The following TCAIM variants were observed in gnomAD, a reference collection of about 807,000 sequenced individuals.
TCAIM encodes the protein T-cell activation inhibitor, mitochondrial.
TCAIM carries 36 observed loss-of-function variants against 58.6 expected under a neutral mutation model. The ratio of observed to expected loss-of-function variants is 0.61; its 90% CI spans 0.47 to 0.81. TCAIM has a LOEUF of 0.81. Ranked by LOEUF, TCAIM falls within the 30% of genes least tolerant of loss-of-function variation. The pLI, the probability that TCAIM is intolerant of heterozygous loss-of-function variation, is 0.00. For synonymous variants in TCAIM, 172 were observed against 193.6 expected, an observed-to-expected ratio of 0.89 and a Z score of 0.93; for missense variants, 466 against 579.6, an observed-to-expected ratio of 0.80 and a Z score of 2.01.
At position 44,367,723 on chromosome 3, in the gene TCAIM, TTATC is replaced by T; in HGVS notation, c.572+18_572+21del. The T allele has an allele frequency of 6.3e-7, 1 of 1,591,938 alleles. No individual in the cohort carries two copies. Among genetic ancestry groups the T allele is most frequent in the African/African-American group, 1.3e-5 (1 of 74,434 alleles). ...ACAACTCTCACGTATGTAAAAGTTTTTATCTAACTAAACTGTATTTGTAGTTTGT... is the reference window on the plus strand; with the variant it reads ...ACAACTCTCACGTATGTAAAAGTTTTTAACTAAACTGTATTTGTAGTTTGT... On this transcript the variant is annotated intron_variant, in intron 5 of 10. Transcript: ENST00000342649.
chr3:44,381,768 T>G (rs1309617399), intron 5 of TCAIM, among the ~76,000 whole-genome samples: 1 of 152,154 alleles, frequency 6.6e-6, no homozygotes, highest in Non-Finnish European at 1.5e-5. Flanking sequence ...TAGACCTAAT[T>G]AGCAAATTCA....
intron 1 of TCAIM, among the ~76,000 whole-genome samples, chr3:44,352,938 T>TC (rs1298304908): frequency 7.9e-5 from 12 of 151,556 alleles, no homozygotes; most frequent in African/African-American, 2.7e-4. Flanking sequence ...TTTTTTTTTT[T>TC]TGAGACAGTT....
At chr3:44,341,879 A>G (rs13099968) in intron 1 of TCAIM, among the ~76,000 whole-genome samples, 1 of 152,212 alleles carries the variant, frequency 6.6e-6, no homozygotes, top group Non-Finnish European at 1.5e-5. Context: ...GGGATTCCAC[A>G]TCCACAGTGC....
intron 3 of TCAIM, among the ~76,000 whole-genome samples, chr3:44,360,615 T>G (rs1291062771): frequency 6.6e-6 from 1 of 151,906 alleles, no homozygotes; most frequent in Non-Finnish European, 1.5e-5. Flanking sequence ...TTTTTTAATT[T>G]TTTTGGAGAC....
At chr3:44,391,078 G>A (rs1463600713) in intron 5 of TCAIM, 1 of 152,252 alleles carries the variant, frequency 6.6e-6, no homozygotes, top group Non-Finnish European at 1.5e-5. Context: ...CTTATGTCAT[G>A]ATTATAGCAC....
intron 8 of TCAIM, among the ~76,000 whole-genome samples, chr3:44,397,393 T>C (rs1701951948): frequency 6.6e-6 from 1 of 152,252 alleles, no homozygotes; most frequent in South Asian, 2.1e-4. Flanking sequence ...TCATAGGGCT[T>C]GCAAACTTTT....
rs202219682 is a variant in TCAIM, at chr3:44,356,693, TG to T, written c.30-1046del. Among the ~76,000 whole-genome samples the T allele has an allele frequency of 8.9e-3, 1,350 of 151,302 alleles. 20 individuals carry two copies. The highest frequency in any genetic ancestry group is 0.032 in the African/African-American group (1,303 of 41,156). On this transcript the variant is annotated intron_variant, in intron 2 of 10. Transcript: ENST00000342649. ...AGAATGAGAATATCACGGCCAGGTA[TG>T]GTGGCTCATGCCTGCAATCCCAGTA...
intron 1 of TCAIM, among the ~76,000 whole-genome samples, chr3:44,341,752 A>G (rs565315068): frequency 1.2e-4 from 18 of 152,298 alleles, no homozygotes; most frequent in African/African-American, 4.1e-4. Flanking sequence ...TATTTACTAA[A>G]TGTGGCTAAA....
At chr3:44,385,985 T>G (rs1487921176) in intron 5 of TCAIM, among the ~76,000 whole-genome samples, 4 of 152,084 alleles carry the variant, frequency 2.6e-5, no homozygotes, top group Non-Finnish European at 5.9e-5. Context: ...AGCCAGCAAC[T>G]TATACTTTCT....
intron 8 of TCAIM, among the ~76,000 whole-genome samples, chr3:44,397,536 G>A (rs1028021681): frequency 2.6e-5 from 4 of 152,096 alleles, no homozygotes; most frequent in African/African-American, 9.7e-5. Flanking sequence ...TCATTCACCT[G>A]TTGATGAACA....
chr3:44,349,657 C>G (rs1701044939), intron 1 of TCAIM, among the ~76,000 whole-genome samples: 1 of 152,086 alleles, frequency 6.6e-6, no homozygotes, highest in South Asian at 2.1e-4. Flanking sequence ...CAGGCGTCCC[C>G]ACAGTGATTA....
intron 1 of TCAIM, among the ~76,000 whole-genome samples, chr3:44,342,119 TATAAA>T (rs1438435862): frequency 6.6e-6 from 1 of 152,202 alleles, no homozygotes; most frequent in African/African-American, 2.4e-5. Flanking sequence ...TTTTCTTTTT[TATAAA>T]ATAAAGACAA....
chr3:44,391,734 G>A (rs964915188), intron 5 of TCAIM, among the ~76,000 whole-genome samples: 10 of 152,118 alleles, frequency 6.6e-5, no homozygotes, highest in African/African-American at 2.2e-4. Context: ...CTGACCAGTC[G>A]GAGGGACTAG....
chr3:44,351,649 C>A (rs1341552646), intron 1 of TCAIM, among the ~76,000 whole-genome samples: 5 of 151,862 alleles, frequency 3.3e-5, no homozygotes, highest in African/African-American at 9.7e-5. Context: ...GTCCCACTAC[C>A]ACACCTGGCT....
chr3:44,384,854 C>G (rs2125647372), intron 5 of TCAIM, among the ~76,000 whole-genome samples: 1 of 152,300 alleles, frequency 6.6e-6, no homozygotes, highest in Non-Finnish European at 1.5e-5. Context: ...ATAGCTCATG[C>G]ATTGTTTAGA....
At chr3:44,382,447 A>G (rs1206320322) in intron 5 of TCAIM, among the ~76,000 whole-genome samples, 1 of 152,232 alleles carries the variant, frequency 6.6e-6, no homozygotes. Flanking sequence ...AGCAGTAAAT[A>G]CTTGCATATA....
rs371347934 is a variant in TCAIM, at chr3:44,381,058, A to G, written c.573-11797A>G. Among the ~76,000 whole-genome samples, 13 of 152,270 alleles carry G rather than the reference A, an allele frequency of 8.5e-5. No individual in the cohort carries two copies. The East Asian group carries it at 1.7e-3, about 20-fold the overall frequency. ...AAATTCTACCAAACATTTAACAGCAATACTTCTCAAACTTTTCAAAAAGAA... is the reference window on the plus strand; with the variant it reads ...AAATTCTACCAAACATTTAACAGCAGTACTTCTCAAACTTTTCAAAAAGAA... On this transcript the variant is annotated intron_variant, in intron 5 of 10. Coordinates refer to ENST00000342649, the MANE Select transcript of TCAIM (RefSeq NM_173826.4).
chr3:44,385,410 G>A (rs1701722656), intron 5 of TCAIM, among the ~76,000 whole-genome samples: 1 of 152,142 alleles, frequency 6.6e-6, no homozygotes, highest in Admixed American at 6.5e-5. Context: ...GAAAAATACA[G>A]GGACTGCTGA....
At chr3:44,360,672 A>G (rs1701281942) in intron 3 of TCAIM, among the ~76,000 whole-genome samples, 1 of 151,542 alleles carries the variant, frequency 6.6e-6, no homozygotes, top group Non-Finnish European at 1.5e-5. Flanking sequence ...GGCACCATCA[A>G]GGGGCTCACT....
Sources: gnomAD v4.1 joint callset for allele counts (sites outside exome capture counted in the v4.1 genomes callset) on GRCh38, gnomAD v4.1.1 for gene constraint, MANE v1.5 for transcripts, NCBI Gene and HGNC (gene_info 2026-07-23, HGNC 2026-07-21) for gene names.